Variants in NCOA5 observed in about 807,000 individuals in gnomAD.
NCOA5 encodes nuclear receptor coactivator 5.
A neutral mutation model predicts 59.0 loss-of-function variants in NCOA5; 12 were observed. The ratio of observed to expected loss-of-function variants is 0.20; its 90% CI spans 0.13 to 0.33. NCOA5 has a LOEUF of 0.33. Among genes scored for constraint, NCOA5 ranks in the 10% least tolerant of loss-of-function variants. The probability of loss-of-function intolerance (pLI) is 1.00; values close to 1 mark genes in which losing one functional copy is unlikely to be tolerated. For synonymous variants in NCOA5, 270 were observed against 275.5 expected (o/e 0.98, Z 0.20); for missense variants, 655 against 766.6 (o/e 0.85, Z 1.72).
intron 3 of NCOA5, among the ~76,000 whole-genome samples, chr20:46,068,895 C>T (rs1194150771): frequency 2.0e-5 from 3 of 152,126 alleles, no homozygotes; most frequent in Non-Finnish European, 4.4e-5. Context: ...CATTACATGT[C>T]CCTCCCTTGT....
chr20:46,081,406 C>G (rs1326320780), intron 1 of NCOA5, among the ~76,000 whole-genome samples: 1 of 152,066 alleles, frequency 6.6e-6, no homozygotes, highest in Non-Finnish European at 1.5e-5. Flanking sequence ...ATCACATGGT[C>G]ATGTATACTA....
chr20:46,072,497 G>C (rs2084892825), intron 2 of NCOA5, among the ~76,000 whole-genome samples: 1 of 152,106 alleles, frequency 6.6e-6, no homozygotes, highest in African/African-American at 2.4e-5. Context: ...ACTGTGCCAG[G>C]CTCCCACAGT....
At chr20:46,082,374 A>C (rs896455736) in intron 1 of NCOA5, among the ~76,000 whole-genome samples, 1 of 152,234 alleles carries the variant, frequency 6.6e-6, no homozygotes, top group Non-Finnish European at 1.5e-5. Context: ...AAAAGGTAGA[A>C]AGACAATTTG....
intron 6 of NCOA5, among the ~76,000 whole-genome samples, 174 bp from the exon 7 acceptor site, chr20:46,063,854 G>A (rs1272448091): frequency 6.6e-6 from 1 of 152,182 alleles, no homozygotes; most frequent in South Asian, 2.1e-4. Flanking sequence ...GCCAGGAAGG[G>A]AAGTGAACGA....
chr20:46,073,255 G>C (rs766394479), intron 2 of NCOA5, among the ~76,000 whole-genome samples: 4 of 152,072 alleles, frequency 2.6e-5, no homozygotes, highest in African/African-American at 9.7e-5. Context: ...TCAGCTACAC[G>C]GGCACAGCAA....
chr20:46,077,250 T>C (rs2084947613), intron 2 of NCOA5, among the ~76,000 whole-genome samples: 1 of 152,194 alleles, frequency 6.6e-6, no homozygotes, highest in Admixed American at 6.5e-5. Context: ...GCTGTCTGTA[T>C]GTTTGTTTGT....
At position 46,062,260 on chromosome 20, in the gene NCOA5, C is replaced by G; in HGVS notation, c.*40G>C. On this transcript the variant is annotated 3_prime_UTR_variant, in exon 8 of 8. Coordinates refer to ENST00000290231, the MANE Select transcript of NCOA5 (RefSeq NM_020967.3). The stretch of plus-strand genomic sequence containing the variant: ...TTAGAACAAGTAAGTGGGAGGAGGC[C>G]AGGGGATGAGGGGACTGGGGAGAGT... The G allele has an allele frequency of 6.6e-7, 1 of 1,518,446 alleles. No homozygotes were observed. Among genetic ancestry groups the G allele is most frequent in the Non-Finnish European group, 9.0e-7 (1 of 1,109,414 alleles). 94.1% of individuals were successfully genotyped at this position (1,518,446 alleles called of 1,614,324 possible).
At chr20:46,066,297 G>A (rs991365222) in intron 5 of NCOA5, among the ~76,000 whole-genome samples, 3 of 152,160 alleles carry the variant, frequency 2.0e-5, no homozygotes, top group Non-Finnish European at 4.4e-5. Flanking sequence ...AATGCTATAA[G>A]CCCTAGCTTG....
At chr20:46,064,406 C>T (rs997999268) in intron 6 of NCOA5, among the ~76,000 whole-genome samples, 2 of 152,180 alleles carry the variant, frequency 1.3e-5, no homozygotes, top group African/African-American at 4.8e-5. Context: ...ACTCTTAATC[C>T]TCTGGGCTCA....
At position 46,062,507 on chromosome 20, in the gene NCOA5, C is replaced by T; in HGVS notation, c.1533G>A (p.Gln511=). 2 of 1,614,164 alleles carry T rather than the reference C, an allele frequency of 1.2e-6. No homozygotes were observed. Among genetic ancestry groups the T allele is most frequent in the Admixed American group, 3.3e-5 (2 of 60,024 alleles). The part of the protein sequence containing the change: ...PGAPSQGLFG[Q]PSSRLAPASN... ...TAGCAGGTGCCAGGCGACTGGAAGG[C>T]TGGCCAAAAAGCCCTTGGGAAGGAG... is the stretch of plus-strand genomic sequence containing the variant. Residue 511 remains glutamine, a synonymous_variant, in exon 8 of 8, where the codon CAG becomes CAA. Transcript: ENST00000290231.
intron 1 of NCOA5, among the ~76,000 whole-genome samples, chr20:46,084,762 A>AAAAT (rs1389954680): frequency 6.6e-6 from 1 of 152,220 alleles, no homozygotes; most frequent in African/African-American, 2.4e-5. Context: ...CAGCTGAGAA[A>AAAAT]AAATGATTTT....
chr20:46,065,273 T>C (rs758394631), intron 5 of NCOA5, 45 bp from the exon 6 acceptor site: 2 of 1,585,458 alleles, frequency 1.3e-6, no homozygotes, highest in Non-Finnish European at 8.7e-7. Flanking sequence ...ACTCCAAATC[T>C]GCATCGTGTG....
rs560460048 is a variant in NCOA5, at chr20:46,065,278, C to T, written c.630-50G>A. The T allele has an allele frequency of 5.2e-5, 82 of 1,578,826 alleles. 1 individual carries two copies. In the South Asian group the frequency reaches 6.5e-4, roughly 13 times the overall value. On this transcript the variant is annotated intron_variant, in intron 5 of 7. Transcript: ENST00000290231. ...TGAGCGACCAACTCCAAATCTGCATCGTGTGTCTCAAGCCAGTTGTGTGTG... is the reference window on the plus strand; with the variant it reads ...TGAGCGACCAACTCCAAATCTGCATTGTGTGTCTCAAGCCAGTTGTGTGTG...
chr20:46,070,133 C>CTTTCATT (rs1568880698), intron 3 of NCOA5, 77 bp downstream of exon 3: 1 of 1,171,492 alleles, frequency 8.5e-7, no homozygotes, highest in Non-Finnish European at 1.2e-6. Flanking sequence ...ACTGCTCTTA[C>CTTTCATT]AGAGCTTTCA....
chr20:46,082,445 G>GA (rs1387610043), intron 1 of NCOA5, among the ~76,000 whole-genome samples: 2 of 152,158 alleles, frequency 1.3e-5, no homozygotes. Context: ...CAACAAGAGG[G>GA]AAGTGGCAAC....
Position 46,089,922 on chromosome 20 carries a change from G to C in NCOA5, c.-135C>G, listed in dbSNP as rs2085085391. The C allele has an allele frequency of 6.6e-6, 1 of 152,168 alleles. No individual in the cohort carries two copies. The highest frequency in any genetic ancestry group is 2.4e-5 in the African/African-American group (1 of 41,456). 9.4% of individuals were successfully genotyped at this position (152,168 alleles called of 1,614,324 possible). On this transcript the variant is annotated 5_prime_UTR_variant, in exon 1 of 8. Coordinates refer to ENST00000290231, the MANE Select transcript of NCOA5 (RefSeq NM_020967.3). Reference sequence around the variant, plus strand: ...CCGTAGGACAAAGGCGCCACCAACCGACCGGCGCGGGCACGAGGCAATGGC... The same window carrying C: ...CCGTAGGACAAAGGCGCCACCAACCCACCGGCGCGGGCACGAGGCAATGGC...
At chr20:46,071,526 A>G (rs987286484) in intron 2 of NCOA5, among the ~76,000 whole-genome samples, 2 of 152,194 alleles carry the variant, frequency 1.3e-5, no homozygotes, top group African/African-American at 4.8e-5. Context: ...AAAATTAAAA[A>G]TCAACCTACT....
chr20:46,076,608 G>A lies in NCOA5; in HGVS notation c.38+2779C>T, dbSNP rs111828912. Among the ~76,000 whole-genome samples, 178 of 150,854 alleles carry A rather than the reference G, an allele frequency of 1.2e-3. 1 individual carries two copies. The highest frequency in any genetic ancestry group is 1.7e-3 in the Non-Finnish European group (117 of 67,820). On this transcript the variant is annotated intron_variant, in intron 2 of 7. Coordinates refer to ENST00000290231, the MANE Select transcript of NCOA5 (RefSeq NM_020967.3). ...GGTAAAAAACTGGGACTCTTAGTTC[G>A]GTTTTTAGATGGGGTTACTAATGGT... is the stretch of plus-strand genomic sequence containing the variant.
At chr20:46,084,730 A>G (rs573044647) in intron 1 of NCOA5, among the ~76,000 whole-genome samples, 34 of 152,298 alleles carry the variant, frequency 2.2e-4, no homozygotes, top group African/African-American at 8.2e-4. Flanking sequence ...TGTGTTAGCT[A>G]TGTTGACTCA....
Sources: gnomAD v4.1 joint callset for allele counts (sites outside exome capture counted in the v4.1 genomes callset) on GRCh38, gnomAD v4.1.1 for gene constraint, MANE v1.5 for transcripts, NCBI Gene and HGNC (gene_info 2026-07-23, HGNC 2026-07-21) for gene names.